Variants in ZNF208 observed in about 807,000 individuals in gnomAD.
ZNF208 encodes the protein zinc finger protein 95.
Under a neutral mutation model 12.1 loss-of-function variants are expected in ZNF208, and 10 were observed. That is an observed-to-expected ratio of 0.83 (90% CI 0.51 to 1.40). ZNF208 has a LOEUF of 1.40. Ranked by LOEUF, ZNF208 falls within the 40% of genes most tolerant of loss-of-function variation. The pLI is 0.00. For synonymous variants in ZNF208, 497 were observed against 488.4 expected, an observed-to-expected ratio of 1.02 and a Z score of -0.23; for missense variants, 1,652 against 1,485.0, an observed-to-expected ratio of 1.11 and a Z score of -1.85.
intron 4 of ZNF208, among the ~76,000 whole-genome samples, chr19:21,952,029 C>G (rs943436825): frequency 1.3e-5 from 2 of 152,214 alleles, no homozygotes; most frequent in South Asian, 2.1e-4. Flanking sequence ...CGTGAACCCA[C>G]AGAGCCTTGC....
At chr19:21,959,765 A>C (rs1221643690) in intron 4 of ZNF208, among the ~76,000 whole-genome samples, 1 of 152,356 alleles carries the variant, frequency 6.6e-6, no homozygotes, top group East Asian at 1.9e-4. Flanking sequence ...GCAGTTGACC[A>C]CAAAGGACAG....
chr19:21,954,522 A>G (rs1299771874), intron 4 of ZNF208, among the ~76,000 whole-genome samples: 2 of 152,092 alleles, frequency 1.3e-5, no homozygotes, highest in Non-Finnish European at 2.9e-5. Flanking sequence ...GTGCTCCTTT[A>G]TTGGGTGCAT....
Position 21,972,493 on chromosome 19 carries a change from G to C in ZNF208, c.2541C>G (p.Ile847Met). 6.2e-7 allele frequency: 1 copy of C among 1,612,862 alleles called. No individual in the cohort carries two copies. The highest frequency in any genetic ancestry group is 8.5e-7 in the Non-Finnish European group (1 of 1,179,854). ...ECGKAFSKFSILTKHKVIHTG... is the reference protein window; with the variant it reads ...ECGKAFSKFSMLTKHKVIHTG... ...TATGAATTACCTTATGTTTAGTAAGGATTGAGAACTTACTAAAGGCTTTGC... is the reference window on the plus strand; with the variant it reads ...TATGAATTACCTTATGTTTAGTAAGCATTGAGAACTTACTAAAGGCTTTGC... The change falls in exon 4 of 4, where the codon ATC (isoleucine) becomes ATG (methionine). Residue 847 changes from isoleucine to methionine, a missense_variant. Around this residue, in one of 3 missense-constraint regions of ZNF208, gnomAD observed 1,239 missense variants for 1,086.2 expected, o/e 1.14. Transcript: ENST00000397126.
Position 21,971,714 on chromosome 19 carries a change from T to C in ZNF208, c.3320A>G (p.His1107Arg), listed in dbSNP as rs377745338. Reference protein sequence around the residue: ...SSNLMEHKRIHTGEKPYKCEE... With the variant: ...SSNLMEHKRIRTGEKPYKCEE... ...ACATTTGTAGGGTTTCTCTCCAGTA[T>C]GAATTCTCTTATGTTCCATAAGGTT... is the stretch of plus-strand genomic sequence containing the variant. Residue 1107 changes from histidine to arginine, a missense_variant, in exon 4 of 4, where the codon CAT (histidine) becomes CGT (arginine). Around this residue, in one of 3 missense-constraint regions of ZNF208, gnomAD observed 1,239 missense variants for 1,086.2 expected, o/e 1.14. Transcript: ENST00000397126. The C allele has an allele frequency of 1.1e-5, 17 of 1,613,994 alleles. No homozygotes were observed. Among genetic ancestry groups the C allele is most frequent in the Middle Eastern group, 3.3e-4 (2 of 6,058 alleles).
chr19:21,983,998 AT>A (rs1970591063), intron 3 of ZNF208, among the ~76,000 whole-genome samples: 1 of 152,166 alleles, frequency 6.6e-6, no homozygotes, highest in African/African-American at 2.4e-5. Context: ...TTAAATCATA[AT>A]TTAAAAAAAC....
chr19:22,003,800 C>T (rs529684938), intron 1 of ZNF208, among the ~76,000 whole-genome samples: 5 of 152,074 alleles, frequency 3.3e-5, no homozygotes, highest in Non-Finnish European at 5.9e-5. Flanking sequence ...TGCACAATCA[C>T]GTTCATTGCA....
In ZNF208 at chr19:21,972,418, C is replaced by A; in HGVS notation, c.2616G>T (p.Trp872Cys). ...KCEECGKAYK[W>C]PSTLSYHKKI... ...TCTTATGATAACTAAGGGTTGAGGG[C>A]CATTTATAGGCTTTGCCACATTCTT... is the stretch of plus-strand genomic sequence containing the variant. The change falls in exon 4 of 4, where the codon TGG (tryptophan) becomes TGT (cysteine). Residue 872 changes from tryptophan (W) to cysteine (C), a missense_variant. Trp to Cys is a radical substitution (Grantham distance 215). Coordinates refer to ENST00000397126, the MANE Select transcript of ZNF208 (RefSeq NM_007153.3). 6.2e-7 allele frequency: 1 copy of A among 1,611,472 alleles called. No individual in the cohort carries two copies. Among genetic ancestry groups the A allele is most frequent in the Non-Finnish European group, 8.5e-7 (1 of 1,179,074 alleles).
intron 4 of ZNF208, among the ~76,000 whole-genome samples, chr19:21,951,331 T>C (rs897879820): frequency 3.9e-5 from 6 of 152,192 alleles, no homozygotes; most frequent in Non-Finnish European, 7.3e-5. Flanking sequence ...TTATAACATG[T>C]AATTGAGGCT....
chr19:21,963,202 A>T (rs1970107547), downstream of ZNF208, among the ~76,000 whole-genome samples: 1 of 152,046 alleles, frequency 6.6e-6, no homozygotes, highest in South Asian at 2.1e-4. Flanking sequence ...TGCCTGAAGT[A>T]CTGGTTTTCT....
intron 4 of ZNF208, among the ~76,000 whole-genome samples, chr19:21,957,898 A>G (rs1333972128): frequency 1.3e-5 from 2 of 151,828 alleles, no homozygotes; most frequent in Non-Finnish European, 2.9e-5. Flanking sequence ...GGTTAGTTAC[A>G]TATGTATACA....
chr19:21,987,414 T>C (rs1970647500), intron 2 of ZNF208, 103 bp from the exon 3 acceptor site: 1 of 1,158,960 alleles, frequency 8.6e-7, no homozygotes, highest in Non-Finnish European at 1.1e-6. Context: ...TTCTAATAGA[T>C]TTATCCCAAA....
chr19:21,960,057 T>C (rs950000603), intron 4 of ZNF208, among the ~76,000 whole-genome samples: 4 of 152,160 alleles, frequency 2.6e-5, no homozygotes, highest in South Asian at 2.1e-4. Context: ...AGTAAAATTC[T>C]ACAAAATTAT....
intron 3 of ZNF208, among the ~76,000 whole-genome samples, chr19:21,982,316 C>G (rs1373725405): frequency 2.7e-5 from 4 of 147,280 alleles, no homozygotes; most frequent in African/African-American, 1.0e-4. Flanking sequence ...TGAGATCGCA[C>G]CACTGCACTT....
At position 21,971,551 on chromosome 19, in the gene ZNF208, T is replaced by G; in HGVS notation, c.3483A>C (p.Lys1161Asn). The G allele has an allele frequency of 6.2e-7, 1 of 1,610,886 alleles. No individual in the cohort carries two copies. The highest frequency in any genetic ancestry group is 8.5e-7 in the Non-Finnish European group (1 of 1,179,812). Residue 1161 changes from lysine to asparagine, a missense_variant, in exon 4 of 4, where the codon AAA becomes AAC. Around this residue, in one of 3 missense-constraint regions of ZNF208, gnomAD observed 1,239 missense variants for 1,086.2 expected, o/e 1.14. Coordinates refer to ENST00000397126, the MANE Select transcript of ZNF208 (RefSeq NM_007153.3). ...KWSSTLSYHKKIHTVEKPYKC... is the reference protein window; with the variant it reads ...KWSSTLSYHKNIHTVEKPYKC... ...TGTAGGGTTTCTCTACAGTATGAAT[T>G]TTCTTATGATAACTAAGGGTTGAGG...
At position 21,972,890 on chromosome 19, in the gene ZNF208, T is replaced by C. The variant is rs750333672; in HGVS notation, c.2144A>G (p.His715Arg). 23 of 1,613,290 alleles carry C rather than the reference T, an allele frequency of 1.4e-5. No homozygotes were observed. In the East Asian group the frequency reaches 5.1e-4, roughly 36 times the overall value. The stretch of plus-strand genomic sequence containing the variant: ...ACATTTGTAGGGTTTCTCTCCAGTA[T>C]GAATTCTCTTATGTTCCATAAGGTT... ...SSNLMEHKRIHTGEKPYKCEE... is the reference protein window; with the variant it reads ...SSNLMEHKRIRTGEKPYKCEE... The change falls in exon 4 of 4, where the codon CAT becomes CGT. Residue 715 changes from histidine (H) to arginine (R), a missense_variant. This residue lies in a region of ZNF208 where 1,239 missense variants were observed against 1,086.2 expected (regional missense o/e 1.14). Transcript: ENST00000397126.
intron 1 of ZNF208, among the ~76,000 whole-genome samples, chr19:21,996,527 G>T (rs1460628489): frequency 6.6e-6 from 1 of 152,132 alleles, no homozygotes; most frequent in Admixed American, 6.5e-5. Flanking sequence ...TCTGACTTTA[G>T]TAACTAAAAG....
At chr19:21,997,635 C>T (rs1970861722) in intron 1 of ZNF208, 1 of 157,898 alleles carries the variant, frequency 6.3e-6, no homozygotes, top group South Asian at 2.0e-4. Flanking sequence ...CACAGCAGCA[C>T]TCCAGTGGCA....
chr19:22,010,108 C>A (rs552222323), intron 1 of ZNF208, among the ~76,000 whole-genome samples: 2 of 152,102 alleles, frequency 1.3e-5, no homozygotes, highest in Admixed American at 6.6e-5. Context: ...TGGCGTCAAC[C>A]CGGGAGGCGG....
chr19:21,941,026 G>C (rs1249348827), intron 4 of ZNF208: 2 of 232,064 alleles, frequency 8.6e-6, no homozygotes, highest in African/African-American at 2.2e-5. Context: ...GCTGGGTCAC[G>C]ACTGGAACTG....
Sources: gnomAD v4.1 joint callset for allele counts (sites outside exome capture counted in the v4.1 genomes callset) on GRCh38, gnomAD v4.1.1 for gene constraint, gnomAD v4.1.1 regional missense constraint, MANE v1.5 for transcripts, NCBI Gene and HGNC (gene_info 2026-07-23, HGNC 2026-07-21) for gene names.